The following CYP2J2 variants were observed in gnomAD, a reference collection of about 807,000 sequenced individuals.
CYP2J2 encodes cytochrome P450 family 2 subfamily J member 2, also known as cytochrome P450 2J2.
A neutral mutation model predicts 48.8 loss-of-function variants in CYP2J2; 41 were observed. The observed-to-expected ratio is 0.84, with a 90% CI of 0.66 to 1.09. The LOEUF (loss-of-function observed/expected upper bound fraction) is 1.09, where lower values mean the gene tolerates loss of function less well. Ranked by LOEUF, CYP2J2 falls within the 50% of genes least tolerant of loss-of-function variation. The pLI, the probability that CYP2J2 is intolerant of heterozygous loss-of-function variation, is 0.00. For missense variants in CYP2J2, 644 were observed against 617.3 expected, an observed-to-expected ratio of 1.04 and a Z score of -0.46; for synonymous variants, 221 against 227.1, an observed-to-expected ratio of 0.97 and a Z score of 0.24.
At chr1:59,932,097 A>G in the CYP2J2 span, among the ~76,000 whole-genome samples, 1 of 152,122 alleles carries the variant, frequency 6.6e-6, no homozygotes, top group Non-Finnish European at 1.5e-5. Context: ...TTATTATATA[A>G]AAGTTGAAGT....
At chr1:59,907,697 C>CG in intron 6 of CYP2J2, 89 bp downstream of exon 6, 3 of 1,411,088 alleles carry the variant, frequency 2.1e-6, no homozygotes, top group Non-Finnish European at 3.0e-6. Flanking sequence ...TTTCATCCTA[C>CG]AATGCTATCT....
At chr1:59,903,645 C>T (rs1644339767) in intron 7 of CYP2J2, among the ~76,000 whole-genome samples, 2 of 152,158 alleles carry the variant, frequency 1.3e-5, no homozygotes, top group African/African-American at 4.8e-5. Context: ...AACGAGCCTA[C>T]ACATGTACTC....
intron 5 of CYP2J2, among the ~76,000 whole-genome samples, chr1:59,909,357 G>T (rs1283699868): frequency 6.6e-6 from 1 of 152,174 alleles, no homozygotes; most frequent in African/African-American, 2.4e-5. Context: ...GATTATCCTG[G>T]AACATTCCAG....
intron 6 of CYP2J2, among the ~76,000 whole-genome samples, chr1:59,907,111 G>A (rs1359241344): frequency 6.6e-6 from 1 of 152,160 alleles, no homozygotes; most frequent in Non-Finnish European, 1.5e-5. Context: ...GATAATACAT[G>A]ATAAGCCTAG....
chr1:59,969,210 G>T, the CYP2J2 span, among the ~76,000 whole-genome samples: 1 of 152,216 alleles, frequency 6.6e-6, no homozygotes, highest in Non-Finnish European at 1.5e-5. Context: ...ATCCGAGCGG[G>T]TTGCCACTGC....
the CYP2J2 span, among the ~76,000 whole-genome samples, chr1:59,932,381 A>T: frequency 6.6e-6 from 1 of 152,160 alleles, no homozygotes; most frequent in Non-Finnish European, 1.5e-5. Context: ...TGAGTCAGCC[A>T]TAGGAGATTC....
At position 59,912,313 on chromosome 1, in the gene CYP2J2, T is replaced by C. The variant is rs752596793; in HGVS notation, c.374-2A>G. On this transcript the variant is annotated splice_acceptor_variant, in intron 2 of 8. Coordinates refer to ENST00000371204, the MANE Select transcript of CYP2J2 (RefSeq NM_000775.4). LOFTEE classifies it high-confidence loss of function. ...CCTGGCCACTTGACATAATCAATCC[T>C]GGGAAAAAGAAAGTCAACATTACAG... is the stretch of plus-strand genomic sequence containing the variant. 14 of 1,609,054 alleles carry C rather than the reference T, an allele frequency of 8.7e-6. No individual in the cohort carries two copies. In the Admixed American group the frequency reaches 2.4e-4, roughly 27 times the overall value.
the CYP2J2 span, among the ~76,000 whole-genome samples, chr1:59,932,562 A>G: frequency 1.3e-5 from 2 of 152,188 alleles, no homozygotes; most frequent in African/African-American, 4.8e-5. Context: ...ACTAGTAGAC[A>G]TGCTTTACAA....
intron 1 of CYP2J2, among the ~76,000 whole-genome samples, chr1:59,921,587 G>C (rs1395319065): frequency 6.6e-6 from 1 of 151,900 alleles, no homozygotes; most frequent in South Asian, 2.1e-4. Context: ...ATCTTGCCAC[G>C]GCTCTTCTAG....
chr1:59,932,083 T>C, the CYP2J2 span, among the ~76,000 whole-genome samples: 3 of 152,144 alleles, frequency 2.0e-5, no homozygotes, highest in Admixed American at 6.5e-5. Context: ...TTAGGATTTA[T>C]TTTTTATTAT....
At position 59,912,234 on chromosome 1, in the gene CYP2J2, C is replaced by T; in HGVS notation, c.451G>A (p.Gly151Arg). Reference sequence around the variant, plus strand: ...ATGCGTTCCTCTAAGCTCTTCTTTCCTAAACCAAAGTTCCTTAGTGCTGTC... The same window carrying T: ...ATGCGTTCCTCTAAGCTCTTCTTTCTTAAACCAAAGTTCCTTAGTGCTGTC... Reference protein sequence around the residue: ...TLTALRNFGLGKKSLEERIQE... With the variant: ...TLTALRNFGLRKKSLEERIQE... The change falls in exon 3 of 9, where the codon GGA (glycine) becomes AGA (arginine). Residue 151 changes from glycine (G) to arginine (R), a missense_variant. Gly to Arg is a moderately radical substitution (Grantham distance 125). Transcript: ENST00000371204. 6.2e-7 allele frequency: 1 copy of T among 1,613,916 alleles called. No homozygotes were observed. Among genetic ancestry groups the T allele is most frequent in the Non-Finnish European group, 8.5e-7 (1 of 1,179,846 alleles).
the CYP2J2 span, among the ~76,000 whole-genome samples, chr1:59,954,424 G>T: frequency 6.6e-6 from 1 of 152,110 alleles, no homozygotes; most frequent in African/African-American, 2.4e-5. Flanking sequence ...GAACATGAGT[G>T]GAAGTGGAGA....
chr1:59,913,875 T>C (rs1644441380), intron 2 of CYP2J2, among the ~76,000 whole-genome samples: 1 of 152,236 alleles, frequency 6.6e-6, no homozygotes. Flanking sequence ...AATGTTAGGA[T>C]AACAACTAGT....
At chr1:59,911,587 A>G (rs976333101) in intron 4 of CYP2J2, 21 bp downstream of exon 4, 1 of 1,575,450 alleles carries the variant, frequency 6.3e-7, no homozygotes, top group Non-Finnish European at 8.6e-7. Context: ...GAACAAAGAT[A>G]TGGAGAGACA....
At chr1:59,895,179 G>A (rs1644258283) in intron 8 of CYP2J2, among the ~76,000 whole-genome samples, 1 of 152,196 alleles carries the variant, frequency 6.6e-6, no homozygotes, top group African/African-American at 2.4e-5. Flanking sequence ...TTGTCCCAAA[G>A]TCCTTCATTA....
At chr1:59,968,154 C>T in the CYP2J2 span, among the ~76,000 whole-genome samples, 259 of 152,260 alleles carry the variant, frequency 1.7e-3, no homozygotes, top group South Asian at 4.6e-3. Flanking sequence ...TTCTATAGCT[C>T]TCATGAAAAG....
upstream of CYP2J2, among the ~76,000 whole-genome samples, chr1:59,930,931 G>A (rs751556514): frequency 1.2e-4 from 18 of 152,072 alleles, no homozygotes; most frequent in South Asian, 8.3e-4. Context: ...GCATAAATGC[G>A]TATTTCTTCT....
Position 59,914,194 on chromosome 1 carries a change from C to G in CYP2J2, c.373+1744G>C, listed in dbSNP as rs1226556072. On this transcript the variant is annotated intron_variant, in intron 2 of 8. Coordinates refer to ENST00000371204, the MANE Select transcript of CYP2J2 (RefSeq NM_000775.4). Reference sequence around the variant, plus strand: ...TTAACTGATACTATTTTTCTTTCTGCATAGAATATAAACTACATAGGATAT... The same window carrying G: ...TTAACTGATACTATTTTTCTTTCTGGATAGAATATAAACTACATAGGATAT... Among the ~76,000 whole-genome samples the G allele has an allele frequency of 2.0e-5, 3 of 152,170 alleles. No homozygotes were observed. The East Asian group carries it at 5.8e-4, about 29-fold the overall frequency.
chr1:59,956,396 C>T, the CYP2J2 span, among the ~76,000 whole-genome samples: 33 of 152,166 alleles, frequency 2.2e-4, no homozygotes, highest in South Asian at 6.0e-3. Flanking sequence ...TAAACTCAGA[C>T]GTATTTTTCA....
Sources: allele counts gnomAD v4.1 joint callset (sites outside exome capture counted in the v4.1 genomes callset), GRCh38; gene constraint gnomAD v4.1.1; transcripts MANE v1.5; gene names NCBI Gene and HGNC (gene_info 2026-07-23, HGNC 2026-07-21).